CCDC191: variants seen among roughly 807,000 people sequenced by gnomAD.
CCDC191 encodes coiled-coil domain-containing protein 191.
In CCDC191, 99 loss-of-function variants were observed where a neutral mutation model predicts 114.0. That is an observed-to-expected ratio of 0.87 (90% CI 0.74 to 1.03). CCDC191 has a LOEUF of 1.03. Among genes scored for constraint, CCDC191 ranks in the 50% least tolerant of loss-of-function variants. The pLI, the probability that CCDC191 is intolerant of heterozygous loss-of-function variation, is 0.00. For synonymous variants in CCDC191, 351 were observed against 376.0 expected, an observed-to-expected ratio of 0.93 and a Z score of 0.77; for missense variants, 973 against 1,087.0, an observed-to-expected ratio of 0.90 and a Z score of 1.47.
chr3:114,041,839 T>C (rs1185903604), intron 4 of CCDC191, among the ~76,000 whole-genome samples: 2 of 152,102 alleles, frequency 1.3e-5, no homozygotes, highest in Non-Finnish European at 2.9e-5. Flanking sequence ...GATAAATCCT[T>C]ACACGTCAGC....
chr3:114,001,018 C>T (rs894477425), intron 13 of CCDC191, among the ~76,000 whole-genome samples: 1 of 152,040 alleles, frequency 6.6e-6, no homozygotes, highest in Non-Finnish European at 1.5e-5. Context: ...GTCTCTGACA[C>T]GTTTGTATTT....
chr3:113,976,496 G>C (rs1265337601), intron 16 of CCDC191, among the ~76,000 whole-genome samples: 3 of 152,010 alleles, frequency 2.0e-5, no homozygotes, highest in African/African-American at 7.3e-5. Flanking sequence ...CCACATCCAA[G>C]TTATTACTGC....
At chr3:114,037,456 A>G (rs564452960) in intron 4 of CCDC191, among the ~76,000 whole-genome samples, 39 of 152,246 alleles carry the variant, frequency 2.6e-4, no homozygotes, top group African/African-American at 9.4e-4. Context: ...TTATTTTGAG[A>G]TTCATTCATG....
intron 1 of CCDC191, among the ~76,000 whole-genome samples, chr3:114,055,379 G>A (rs2076756914): frequency 6.6e-6 from 1 of 152,224 alleles, no homozygotes; most frequent in Admixed American, 6.5e-5. Flanking sequence ...TGCAACTGAT[G>A]TATTGAAATA....
At chr3:114,031,396 G>A (rs754247454) in intron 7 of CCDC191, among the ~76,000 whole-genome samples, 1 of 152,160 alleles carries the variant, frequency 6.6e-6, no homozygotes, top group Non-Finnish European at 1.5e-5. Flanking sequence ...CCTCACCCCA[G>A]TAATTTCCCA....
At chr3:114,005,178 A>T (rs2075928892) in intron 10 of CCDC191, among the ~76,000 whole-genome samples, 1 of 152,182 alleles carries the variant, frequency 6.6e-6, no homozygotes, top group Non-Finnish European at 1.5e-5. Flanking sequence ...TGTGGACCTG[A>T]TGTTGTCTGA....
intron 7 of CCDC191, among the ~76,000 whole-genome samples, 186 bp from the exon 8 acceptor site, chr3:114,019,054 A>G (rs1414913882): frequency 6.6e-6 from 1 of 152,124 alleles, no homozygotes; most frequent in African/African-American, 2.4e-5. Context: ...GGAATATTCA[A>G]TCATGCAAAT....
chr3:114,038,199 T>C (rs1217565716), intron 4 of CCDC191, among the ~76,000 whole-genome samples: 1 of 152,216 alleles, frequency 6.6e-6, no homozygotes, highest in East Asian at 1.9e-4. Flanking sequence ...AGTTTTCTAA[T>C]GACTAATGTT....
chr3:113,977,631 G>A (rs2074975046), intron 16 of CCDC191, among the ~76,000 whole-genome samples: 1 of 152,156 alleles, frequency 6.6e-6, no homozygotes, highest in South Asian at 2.1e-4. Context: ...TAGGAGAAAA[G>A]TAAAAAGAAA....
intron 16 of CCDC191, among the ~76,000 whole-genome samples, chr3:113,970,055 A>G (rs760152241): frequency 9.9e-5 from 15 of 152,080 alleles, no homozygotes; most frequent in Non-Finnish European, 1.6e-4. Flanking sequence ...CAGTATATAG[A>G]TCTTTCACTT....
chr3:114,055,611 T>C (rs1175190794), intron 1 of CCDC191, among the ~76,000 whole-genome samples: 2 of 152,230 alleles, frequency 1.3e-5, no homozygotes, highest in African/African-American at 2.4e-5. Context: ...GTGAAACTGC[T>C]CTGTAGCTGA....
At chr3:113,979,067 A>C in intron 14 of CCDC191, 57 bp from the exon 15 acceptor site, 4 of 1,498,332 alleles carry the variant, frequency 2.7e-6, no homozygotes, top group Non-Finnish European at 3.7e-6. Context: ...CATTTAAACA[A>C]ACACATCACC....
chr3:114,043,403 G>T (rs72958611), intron 3 of CCDC191, among the ~76,000 whole-genome samples: 3 of 152,182 alleles, frequency 2.0e-5, no homozygotes, highest in Non-Finnish European at 4.4e-5. Flanking sequence ...TTGCCCCCCA[G>T]TGGACTTATG....
At chr3:114,027,617 A>G (rs183405010) in intron 7 of CCDC191, among the ~76,000 whole-genome samples, 1,854 of 149,008 alleles carry the variant, frequency 0.012, 29 homozygotes, top group African/African-American at 0.041. Context: ...AAAAAAAAAA[A>G]AAAAAGAAAA....
At chr3:114,010,720 A>G in intron 9 of CCDC191, 52 bp downstream of exon 9, 2 of 1,541,388 alleles carry the variant, frequency 1.3e-6, no homozygotes, top group East Asian at 4.5e-5. Context: ...TACCAGCTAT[A>G]AAAGCACAAA....
chr3:113,982,899 C>G (rs1444519655), intron 13 of CCDC191, among the ~76,000 whole-genome samples: 11 of 149,796 alleles, frequency 7.3e-5, no homozygotes, highest in Admixed American at 7.3e-4. Flanking sequence ...TAACAAAAAA[C>G]AACTAGAGAC....
chr3:114,037,502 G>C (rs980745958), intron 4 of CCDC191, among the ~76,000 whole-genome samples: 1 of 152,084 alleles, frequency 6.6e-6, no homozygotes, highest in Admixed American at 6.6e-5. Flanking sequence ...TTCTGTTGCT[G>C]AGCAGTATTC....
intron 11 of CCDC191, chr3:114,003,668 G>A (rs1363812133): frequency 1.3e-5 from 13 of 985,250 alleles, no homozygotes; most frequent in Non-Finnish European, 1.6e-5. Context: ...TACTGACCAA[G>A]CTTAATGATA....
At chr3:113,995,573 T>C (rs771317815) in intron 13 of CCDC191, among the ~76,000 whole-genome samples, 1 of 152,084 alleles carries the variant, frequency 6.6e-6, no homozygotes, top group Non-Finnish European at 1.5e-5. Context: ...TAGGGAAAAA[T>C]AGGAGCTGAC....
Sources: allele counts gnomAD v4.1 joint callset (sites outside exome capture counted in the v4.1 genomes callset), GRCh38; gene constraint gnomAD v4.1.1; transcripts MANE v1.5; gene names NCBI Gene and HGNC (gene_info 2026-07-23, HGNC 2026-07-21).